NAA15: variants seen among roughly 807,000 people sequenced by gnomAD.
NAA15 encodes the protein N-alpha-acetyltransferase 15, NatA auxiliary subunit.
A neutral mutation model predicts 114.0 loss-of-function variants in NAA15; 34 were observed. That is an observed-to-expected ratio of 0.30 (90% confidence interval 0.23 to 0.40). The LOEUF (loss-of-function observed/expected upper bound fraction) is 0.40. Among genes scored for constraint, NAA15 ranks in the 10% least tolerant of loss-of-function variants. The pLI is 1.00. For synonymous variants in NAA15, 340 were observed against 338.0 expected (o/e 1.01, Z -0.06); for missense variants, 658 against 1,004.5 (o/e 0.66, Z 4.66).
At chr4:139,338,019 A>C (rs1747255298) in intron 3 of NAA15, among the ~76,000 whole-genome samples, 1 of 152,206 alleles carries the variant, frequency 6.6e-6, no homozygotes, top group South Asian at 2.1e-4. Context: ...GTGTTCTGCC[A>C]ATGTTTTATT....
At chr4:139,386,960 G>T (rs1276983257) in intron 19 of NAA15, among the ~76,000 whole-genome samples, 1 of 152,152 alleles carries the variant, frequency 6.6e-6, no homozygotes, top group Non-Finnish European at 1.5e-5. Flanking sequence ...GAAACAAAGG[G>T]ATAGCTACCT....
At chr4:139,360,908 G>A (rs1032649482) in intron 13 of NAA15, among the ~76,000 whole-genome samples, 8 of 151,976 alleles carry the variant, frequency 5.3e-5, no homozygotes, top group Non-Finnish European at 1.0e-4. Flanking sequence ...TGCTGCTGCC[G>A]CTTTAGTAGT....
rs573586442 is a variant in NAA15, at chr4:139,373,715, T to C, written c.1948-2650T>C. 1.4e-4 allele frequency among the ~76,000 whole-genome samples: 21 copies of C among 151,874 alleles called. No homozygotes were observed. The East Asian group carries it at 3.3e-3, about 24-fold the overall frequency. On this transcript the variant is annotated intron_variant, in intron 15 of 19. Transcript: ENST00000296543. Reference sequence around the variant, plus strand: ...GTTTGTTTGTTTGCTTTTTTTTTTTTGAGATGGAATCTCACTCTGTCACCC... The same window carrying C: ...GTTTGTTTGTTTGCTTTTTTTTTTTCGAGATGGAATCTCACTCTGTCACCC...
rs757700713 is a variant in NAA15 at position 139,357,426 on chromosome 4, C to T, written c.1128C>T (p.Val376=). 60 of 1,613,864 alleles carry T rather than the reference C, an allele frequency of 3.7e-5. No individual in the cohort carries two copies. The highest frequency in any genetic ancestry group is 5.0e-5 in the Non-Finnish European group (59 of 1,179,876). The change falls in exon 11 of 20, where the codon GTC becomes GTT. Residue 376 remains valine, a synonymous_variant. Coordinates refer to ENST00000296543, the MANE Select transcript of NAA15 (RefSeq NM_057175.5). ...AACCACCAACCACATTACTTTGGGT[C>T]CAGTACTACTTGGCACAACATTATG... The part of the protein sequence containing the change: ...KEEPPTTLLW[V]QYYLAQHYDK...
intron 3 of NAA15, among the ~76,000 whole-genome samples, chr4:139,339,865 C>A (rs1395641166): frequency 6.6e-6 from 1 of 152,164 alleles, no homozygotes; most frequent in Non-Finnish European, 1.5e-5. Context: ...GTACAGTAAT[C>A]AAGATCTAAA....
chr4:139,359,903 C>T lies in NAA15; in HGVS notation c.1410+8C>T. On this transcript the variant is annotated splice_region_variant and intron_variant, in intron 12 of 19. Transcript: ENST00000296543. The stretch of plus-strand genomic sequence containing the variant: ...TGCTCAAAGTTTACAAGGGTTTGTA[C>T]AGCTAGTGTTCTTAATTATGAATAA... 2 of 1,570,706 alleles carry T rather than the reference C, an allele frequency of 1.3e-6. No homozygotes were observed. The highest frequency in any genetic ancestry group is 1.7e-6 in the Non-Finnish European group (2 of 1,167,888).
At chr4:139,379,842 G>A (rs1242363583) in intron 17 of NAA15, among the ~76,000 whole-genome samples, 2 of 152,174 alleles carry the variant, frequency 1.3e-5, no homozygotes, top group East Asian at 1.9e-4. Context: ...TCAGGAGTTC[G>A]AGACCAGCCT....
At chr4:139,361,406 G>A (rs1748128621) in intron 13 of NAA15, among the ~76,000 whole-genome samples, 1 of 152,082 alleles carries the variant, frequency 6.6e-6, no homozygotes, top group Non-Finnish European at 1.5e-5. Context: ...GCACTACTAT[G>A]TAAATAAATT....
At chr4:139,375,899 A>G (rs1329103189) in intron 15 of NAA15, among the ~76,000 whole-genome samples, 2 of 150,472 alleles carry the variant, frequency 1.3e-5, no homozygotes, top group Non-Finnish European at 2.9e-5. Context: ...GAATTCCTGT[A>G]GAATTTATAG....
intron 13 of NAA15, 152 bp downstream of exon 13, chr4:139,360,780 A>G (rs1748108881): frequency 1.5e-6 from 1 of 645,778 alleles, no homozygotes; most frequent in Admixed American, 4.1e-5. Context: ...TACTGGAAAT[A>G]TAGACTGCAT....
intron 17 of NAA15, among the ~76,000 whole-genome samples, chr4:139,382,296 G>C (rs1748775288): frequency 6.6e-6 from 1 of 152,058 alleles, no homozygotes; most frequent in South Asian, 2.1e-4. Flanking sequence ...AAAAGTTTAG[G>C]AGAAAATTAG....
chr4:139,354,954 G>C (rs1747895838), intron 10 of NAA15, among the ~76,000 whole-genome samples: 1 of 152,160 alleles, frequency 6.6e-6, no homozygotes, highest in Non-Finnish European at 1.5e-5. Flanking sequence ...TCAGTTCACT[G>C]TAACCTCCAC....
chr4:139,305,052 G>A (rs1394622803), intron 1 of NAA15, among the ~76,000 whole-genome samples: 2 of 152,182 alleles, frequency 1.3e-5, no homozygotes, highest in African/African-American at 4.8e-5. Flanking sequence ...CCGGAGTAGG[G>A]GGGATCACTA....
At chr4:139,316,218 T>C (rs1746406290) in intron 1 of NAA15, among the ~76,000 whole-genome samples, 1 of 151,922 alleles carries the variant, frequency 6.6e-6, no homozygotes. Context: ...ATGTTTAAAT[T>C]GTTTCCTATA....
At chr4:139,351,636 T>C (rs771438890) in intron 9 of NAA15, 25 bp downstream of exon 9, 2 of 1,162,996 alleles carry the variant, frequency 1.7e-6, no homozygotes, top group South Asian at 2.5e-5. Flanking sequence ...GATACTTTCT[T>C]TTGGCTACCA....
chr4:139,321,564 C>T (rs776141484), intron 1 of NAA15, among the ~76,000 whole-genome samples: 11 of 150,844 alleles, frequency 7.3e-5, no homozygotes, highest in East Asian at 1.9e-4. Flanking sequence ...CTCCGCCTCC[C>T]GGATTCATGC....
intron 1 of NAA15, among the ~76,000 whole-genome samples, chr4:139,331,942 G>T (rs1417597473): frequency 6.6e-6 from 1 of 151,762 alleles, no homozygotes; most frequent in Non-Finnish European, 1.5e-5. Context: ...CCTATTGCTC[G>T]TTTCCTGCAA....
chr4:139,372,409 T>G (rs921132021), intron 15 of NAA15, among the ~76,000 whole-genome samples: 4 of 152,108 alleles, frequency 2.6e-5, no homozygotes, highest in African/African-American at 7.2e-5. Flanking sequence ...GATTGTAGAG[T>G]CTGAGAACAA....
intron 1 of NAA15, among the ~76,000 whole-genome samples, chr4:139,304,286 A>G (rs4863646): frequency 0.27 from 40,447 of 152,282 alleles, 5,701 homozygotes; most frequent in African/African-American, 0.35. Context: ...ACGTAGTTTA[A>G]GGAATAATAC....
Sources: gnomAD v4.1 joint callset for allele counts (sites outside exome capture counted in the v4.1 genomes callset) on GRCh38, gnomAD v4.1.1 for gene constraint, MANE v1.5 for transcripts, NCBI Gene and HGNC (gene_info 2026-07-23, HGNC 2026-07-21) for gene names.